Variants in CDH12 observed in about 807,000 individuals in gnomAD.
The protein encoded by CDH12 is cadherin-12.
CDH12 carries 41 observed loss-of-function variants against 74.1 expected under a neutral mutation model. That is an observed-to-expected ratio of 0.55 (90% CI 0.43 to 0.72). The LOEUF (loss-of-function observed/expected upper bound fraction) is 0.72, where lower values mean the gene tolerates loss of function less well. Ranked by LOEUF, CDH12 falls within the 30% of genes least tolerant of loss-of-function variation. The probability of loss-of-function intolerance (pLI) is 0.00; values close to 1 mark genes in which losing one functional copy is unlikely to be tolerated. For synonymous variants in CDH12, 399 were observed against 355.0 expected (o/e 1.12, Z -1.39); for missense variants, 945 against 977.2 (o/e 0.97, Z 0.44).
intron 6 of CDH12, among the ~76,000 whole-genome samples, chr5:21,959,917 T>A: frequency 8.7e-6 from 1 of 114,626 alleles, no homozygotes. Flanking sequence ...AGAGTGAGGC[T>A]CCATCTCAAA....
chr5:22,363,432 G>A (rs981366828), intron 3 of CDH12, among the ~76,000 whole-genome samples: 1 of 152,068 alleles, frequency 6.6e-6, no homozygotes. Flanking sequence ...TGCCAACCAG[G>A]CTTGTTACAT....
At chr5:22,498,519 G>C (rs1747197546) in intron 2 of CDH12, among the ~76,000 whole-genome samples, 1 of 151,802 alleles carries the variant, frequency 6.6e-6, no homozygotes, top group African/African-American at 2.4e-5. Context: ...AATTATTAAG[G>C]AGAAAAAATG....
In CDH12 at chr5:22,644,621, T is replaced by A. The variant is rs180892430; in HGVS notation, c.-522-139257A>T. Among the ~76,000 whole-genome samples the A allele has an allele frequency of 6.6e-5, 10 of 152,066 alleles. No homozygotes were observed. In the East Asian group the frequency reaches 1.9e-3, roughly 29 times the overall value. On this transcript the variant is annotated intron_variant, in intron 1 of 14. Coordinates refer to ENST00000382254, the MANE Select transcript of CDH12 (RefSeq NM_004061.5). ...AAGTGCAAGATAAGGCAGTAAGTGC[T>A]TATATAGAAGCTGCAGTATGTTATC...
At chr5:21,982,493 A>C (rs554165065) in intron 5 of CDH12, among the ~76,000 whole-genome samples, 3 of 151,808 alleles carry the variant, frequency 2.0e-5, no homozygotes, top group African/African-American at 7.2e-5. Context: ...AGATATATCT[A>C]TATAGATATC....
At chr5:22,412,275 A>G (rs1160621338) in intron 2 of CDH12, among the ~76,000 whole-genome samples, 20 of 151,962 alleles carry the variant, frequency 1.3e-4, no homozygotes, top group Admixed American at 1.3e-3. Context: ...ATTACTATAA[A>G]AACATACATT....
intron 5 of CDH12, among the ~76,000 whole-genome samples, chr5:22,028,127 G>T (rs978619761): frequency 1.3e-5 from 2 of 152,090 alleles, no homozygotes; most frequent in South Asian, 2.1e-4. Flanking sequence ...GAGAGGTTTT[G>T]AGTGAGTTTC....
intron 5 of CDH12, among the ~76,000 whole-genome samples, chr5:22,067,276 G>A (rs760192685): frequency 2.6e-5 from 4 of 152,156 alleles, no homozygotes; most frequent in Non-Finnish European, 5.9e-5. Flanking sequence ...TGACAAAAAT[G>A]TATTGCCATC....
intron 1 of CDH12, among the ~76,000 whole-genome samples, chr5:22,508,918 G>C (rs553151931): frequency 9.2e-5 from 14 of 152,196 alleles, no homozygotes; most frequent in African/African-American, 3.4e-4. Flanking sequence ...TGTGTCACAG[G>C]CCATGGTCAC....
intron 6 of CDH12, among the ~76,000 whole-genome samples, chr5:21,910,676 CTT>C (rs5866529): frequency 6.8e-6 from 1 of 146,370 alleles, no homozygotes; most frequent in Non-Finnish European, 1.5e-5. Flanking sequence ...TAGGATTTAT[CTT>C]TTTTTTTTTT....
intron 3 of CDH12, among the ~76,000 whole-genome samples, chr5:22,355,004 C>G (rs1240508972): frequency 6.6e-6 from 1 of 152,126 alleles, no homozygotes; most frequent in Middle Eastern, 3.2e-3. Context: ...GGACTCACAC[C>G]TTAGCCTTCT....
chr5:22,707,695 T>C (rs1050371700), intron 1 of CDH12, among the ~76,000 whole-genome samples: 106 of 152,322 alleles, frequency 7.0e-4, no homozygotes, highest in Non-Finnish European at 7.8e-4. Flanking sequence ...TTTGTCTATT[T>C]ACTCTGGCTC....
chr5:22,535,268 C>G (rs535663029), intron 1 of CDH12, among the ~76,000 whole-genome samples: 1 of 149,268 alleles, frequency 6.7e-6, no homozygotes, highest in East Asian at 2.0e-4. Flanking sequence ...CATTCTCCTA[C>G]TTCAGCCTCC....
chr5:22,590,652 C>A (rs1054986983), intron 1 of CDH12, among the ~76,000 whole-genome samples: 1 of 152,056 alleles, frequency 6.6e-6, no homozygotes, highest in Non-Finnish European at 1.5e-5. Context: ...ATTTATGTGA[C>A]AAGAATGCAA....
In CDH12 at chr5:22,823,192, T is replaced by A. The variant is rs533486624; in HGVS notation, c.-523+29866A>T. Among the ~76,000 whole-genome samples the A allele has an allele frequency of 6.7e-3, 909 of 135,140 alleles. 4 individuals are homozygous for A. Among genetic ancestry groups the A allele is most frequent in the African/African-American group, 0.019 (657 of 35,408 alleles). 88.7% of individuals were successfully genotyped at this position (135,140 alleles called of 152,430 possible). ...GGTGGGAATTGAACAATGAGAACAC[T>A]TGGACACAGGAAGGGGAACATCACA... On this transcript the variant is annotated intron_variant, in intron 1 of 14. Coordinates refer to ENST00000382254, the MANE Select transcript of CDH12 (RefSeq NM_004061.5).
intron 3 of CDH12, among the ~76,000 whole-genome samples, chr5:22,247,230 T>C (rs1171059552): frequency 1.3e-5 from 2 of 152,146 alleles, no homozygotes; most frequent in African/African-American, 4.8e-5. Context: ...CTTATTAGGG[T>C]TAGCAAATAT....
chr5:21,940,946 C>T (rs1971057), intron 6 of CDH12, among the ~76,000 whole-genome samples: 42,681 of 151,892 alleles, frequency 0.28, 9,401 homozygotes, highest in African/African-American at 0.62. Flanking sequence ...TAACATAAAA[C>T]CCACAATTTG....
chr5:21,755,639 T>A lies in CDH12; in HGVS notation c.1837A>T (p.Ser613Cys). Residue 613 changes from serine to cysteine, a missense_variant, in exon 14 of 15, where the codon AGC becomes TGC. By Grantham distance (112) the Ser-to-Cys change is moderately radical. This residue lies in a region of CDH12 where 791 missense variants were observed against 792.8 expected (regional missense o/e 1.00). Coordinates refer to ENST00000382254, the MANE Select transcript of CDH12 (RefSeq NM_004061.5). ...VEAIFLPVGL[S>C]TGALIAILLC... The stretch of plus-strand genomic sequence containing the variant: ...AGAATTGCAATCAACGCCCCAGTGC[T>A]AAGTCCTACAGGTAGAAAAATTGCT... 1 of 1,614,020 alleles carries A rather than the reference T, an allele frequency of 6.2e-7. No homozygotes were observed. The highest frequency in any genetic ancestry group is 8.5e-7 in the Non-Finnish European group (1 of 1,179,916).
chr5:21,841,016 T>G (rs1352928213), intron 8 of CDH12, among the ~76,000 whole-genome samples: 1 of 151,936 alleles, frequency 6.6e-6, no homozygotes, highest in African/African-American at 2.4e-5. Flanking sequence ...TGGGATCTAA[T>G]TAAACTAAAG....
chr5:22,401,537 T>A, intron 3 of CDH12, among the ~76,000 whole-genome samples: 1 of 152,176 alleles, frequency 6.6e-6, no homozygotes, highest in Non-Finnish European at 1.5e-5. Flanking sequence ...TCATCTAAAC[T>A]AGTAATAGAC....
Sources: gnomAD v4.1 joint callset for allele counts (sites outside exome capture counted in the v4.1 genomes callset) on GRCh38, gnomAD v4.1.1 for gene constraint, gnomAD v4.1.1 regional missense constraint, MANE v1.5 for transcripts, NCBI Gene and HGNC (gene_info 2026-07-23, HGNC 2026-07-21) for gene names.